ZNF821: variants seen among roughly 807,000 people sequenced by gnomAD.
The protein encoded by ZNF821 is zinc finger protein 821.
A neutral mutation model predicts 44.3 loss-of-function variants in ZNF821; 16 were observed. The observed-to-expected ratio is 0.36, with a 90% CI of 0.24 to 0.55. The LOEUF is 0.55. Among genes scored for constraint, ZNF821 ranks in the 20% least tolerant of loss-of-function variants. ZNF821 has a pLI of 0.86. For synonymous variants in ZNF821, 204 were observed against 197.6 expected (o/e 1.03, Z -0.27); for missense variants, 436 against 547.6 (o/e 0.80, Z 2.03).
chr16:71,872,973 A>T (rs550404166), intron 3 of ZNF821, among the ~76,000 whole-genome samples: 1 of 152,342 alleles, frequency 6.6e-6, no homozygotes, highest in African/African-American at 2.4e-5. Context: ...AAACACACTA[A>T]ATGAAAGTGT....
intron 6 of ZNF821, among the ~76,000 whole-genome samples, chr16:71,862,532 C>A (rs2034024241): frequency 6.6e-6 from 1 of 152,142 alleles, no homozygotes. Flanking sequence ...CTCTTCAGAG[C>A]CTAAGAGGAA....
chr16:71,880,958 C>A (rs1301976792), intron 2 of ZNF821, among the ~76,000 whole-genome samples: 2 of 152,046 alleles, frequency 1.3e-5, no homozygotes, highest in Non-Finnish European at 2.9e-5. Context: ...AAAGAGTGCC[C>A]CAGCCTTAAG....
At chr16:71,887,873 T>G (rs2036867563), upstream of ZNF821, among the ~76,000 whole-genome samples, 1 of 150,910 alleles carries the variant, frequency 6.6e-6, no homozygotes, top group Non-Finnish European at 1.5e-5. Context: ...TTTTTTTTTT[T>G]GGAATCAGGG....
In ZNF821 at chr16:71,859,958, G is replaced by A. The variant is rs991814055; in HGVS notation, c.*60C>T. On this transcript the variant is annotated 3_prime_UTR_variant, in exon 8 of 8. Coordinates refer to ENST00000425432, the MANE Select transcript of ZNF821 (RefSeq NM_001201552.2). ...GGTGGCAGCAGCACTGGTCCTCGTG[G>A]CTGTGGGTGTGGGTGGGTGGGTAGG... 4 of 1,475,754 alleles carry A rather than the reference G, an allele frequency of 2.7e-6. No individual in the cohort carries two copies. In the African/African-American group the frequency reaches 5.6e-5, roughly 21 times the overall value. 91.4% of individuals were successfully genotyped at this position (1,475,754 alleles called of 1,614,324 possible). A position where few individuals can be genotyped will look rare whatever the true frequency, so the allele number is the denominator to read the frequency against.
At chr16:71,879,473 GTACA>G (rs2036199012) in intron 3 of ZNF821, among the ~76,000 whole-genome samples, 1 of 151,814 alleles carries the variant, frequency 6.6e-6, no homozygotes, top group African/African-American at 2.4e-5. Context: ...AACTTCTCTA[GTACA>G]TACAGTCTGC....
intron 5 of ZNF821, 102 bp from the exon 6 acceptor site, chr16:71,864,344 T>C (rs2034284032): frequency 2.2e-6 from 2 of 906,886 alleles, no homozygotes; most frequent in Non-Finnish European, 3.6e-6. Context: ...CCCAGACTGA[T>C]GGCGCATGTT....
At chr16:71,891,421 G>T (rs1368312460) in intron 1 of ZNF821, 5 of 152,228 alleles carry the variant, frequency 3.3e-5, no homozygotes, top group Non-Finnish European at 2.9e-5. Context: ...TTCCCTCAGA[G>T]ATACTGTTTC....
chr16:71,872,011 A>G (rs1036154019), intron 3 of ZNF821, among the ~76,000 whole-genome samples: 3 of 151,988 alleles, frequency 2.0e-5, no homozygotes, highest in Admixed American at 2.0e-4. Context: ...TTGTATTTTT[A>G]GTAGAGACGG....
At chr16:71,876,942 G>T (rs540043486) in intron 3 of ZNF821, among the ~76,000 whole-genome samples, 1 of 151,976 alleles carries the variant, frequency 6.6e-6, no homozygotes, top group Non-Finnish European at 1.5e-5. Flanking sequence ...CAATCCTCAC[G>T]TGCAAGCCCA....
At chr16:71,884,358 C>T (rs891826280), upstream of ZNF821, among the ~76,000 whole-genome samples, 5 of 152,062 alleles carry the variant, frequency 3.3e-5, no homozygotes, top group African/African-American at 9.7e-5. Flanking sequence ...GAGGGGCTCG[C>T]CCGCGTTCCA....
Position 71,878,091 on chromosome 16 carries a change from A to G in ZNF821, c.40+1816T>C, listed in dbSNP as rs1026060347. Among the ~76,000 whole-genome samples the G allele has an allele frequency of 2.0e-5, 3 of 146,488 alleles. No homozygotes were observed. The East Asian group carries it at 5.9e-4, about 29-fold the overall frequency. On this transcript the variant is annotated intron_variant, in intron 3 of 7. Coordinates refer to ENST00000425432, the MANE Select transcript of ZNF821 (RefSeq NM_001201552.2). ...TTGCTGCACTTTACTCAAACAGTTC[A>G]TAATAATAGGGAACTATTTGTCTTT... is the stretch of plus-strand genomic sequence containing the variant.
chr16:71,862,564 C>G (rs1456639356), intron 6 of ZNF821, among the ~76,000 whole-genome samples: 2 of 152,202 alleles, frequency 1.3e-5, no homozygotes, highest in Non-Finnish European at 1.5e-5. Context: ...GATAATTTCT[C>G]TCTGTCTCCC....
intron 3 of ZNF821, among the ~76,000 whole-genome samples, chr16:71,873,782 G>T (rs1370993178): frequency 6.6e-6 from 1 of 151,726 alleles, no homozygotes; most frequent in African/African-American, 2.4e-5. Flanking sequence ...ACCTCCTAAA[G>T]TATTGGGATT....
chr16:71,881,028 G>A (rs1472066520), intron 2 of ZNF821, among the ~76,000 whole-genome samples: 1 of 152,184 alleles, frequency 6.6e-6, no homozygotes, highest in African/African-American at 2.4e-5. Context: ...CTTAGAAAGA[G>A]TGAATAAAGA....
chr16:71,871,965 G>A (rs2035245823), intron 3 of ZNF821, among the ~76,000 whole-genome samples: 1 of 151,886 alleles, frequency 6.6e-6, no homozygotes, highest in Non-Finnish European at 1.5e-5. Flanking sequence ...CCAAGTAGTT[G>A]GGATTACAGG....
At chr16:71,869,497 G>A (rs141680464) in intron 3 of ZNF821, among the ~76,000 whole-genome samples, 356 of 152,216 alleles carry the variant, frequency 2.3e-3, no homozygotes, top group Non-Finnish European at 3.8e-3. Context: ...CAGGCTCTAT[G>A]GTGTTTTGTA....
At chr16:71,888,441 G>A (rs1205960136), upstream of ZNF821, among the ~76,000 whole-genome samples, 5 of 151,962 alleles carry the variant, frequency 3.3e-5, no homozygotes, top group African/African-American at 7.3e-5. Flanking sequence ...GTTAGTTTTT[G>A]CATATGGTGT....
At chr16:71,867,675 A>C (rs769524338) in intron 4 of ZNF821, among the ~76,000 whole-genome samples, 85 of 151,354 alleles carry the variant, frequency 5.6e-4, no homozygotes, top group South Asian at 4.2e-4. Flanking sequence ...AACAAGAGCG[A>C]AACTCTGTCA....
chr16:71,862,966 T>C (rs1165797074), intron 6 of ZNF821, among the ~76,000 whole-genome samples: 1 of 152,180 alleles, frequency 6.6e-6, no homozygotes, highest in Non-Finnish European at 1.5e-5. Flanking sequence ...TAATCTCAGC[T>C]CACTGCAGCC....
Sources: allele counts gnomAD v4.1 joint callset (sites outside exome capture counted in the v4.1 genomes callset), GRCh38; gene constraint gnomAD v4.1.1; transcripts MANE v1.5; gene names NCBI Gene and HGNC (gene_info 2026-07-23, HGNC 2026-07-21).